The following SEPTIN9 variants were observed in gnomAD, a reference collection of about 807,000 sequenced individuals.
SEPTIN9 encodes the protein septin-9.
In SEPTIN9, 13 loss-of-function variants were observed where a neutral mutation model predicts 56.6. The observed-to-expected ratio is 0.23, with a 90% CI of 0.15 to 0.37. The LOEUF is 0.37. SEPTIN9 is among the 10% of genes least tolerant of loss of function. The probability of loss-of-function intolerance (pLI) is 1.00; values close to 1 mark genes in which losing one functional copy is unlikely to be tolerated. For synonymous variants in SEPTIN9, 332 were observed against 334.1 expected, an observed-to-expected ratio of 0.99 and a Z score of 0.07; for missense variants, 650 against 823.1, an observed-to-expected ratio of 0.79 and a Z score of 2.57.
intron 4 of SEPTIN9, chr17:77,483,018 G>A (rs2039523023): frequency 5.9e-6 from 1 of 169,336 alleles, no homozygotes; most frequent in Non-Finnish European, 1.3e-5. Flanking sequence ...TAGCTCACAG[G>A]GCAGAGAACC....
rs569327268 is a variant in SEPTIN9, at chr17:77,318,234, T to C, written c.76+11037T>C. ...GCCTCTGGTGGCTGTGGGTGTCCCT[T>C]GGCTTGTGGCTGCATGGCCCTTACC... On this transcript the variant is annotated intron_variant, in intron 2 of 11. Transcript: ENST00000427177. This position sits in a 1 kb window ranked among gnomAD's most constrained non-coding sequence, Gnocchi z 4.9. 6.6e-6 allele frequency among the ~76,000 whole-genome samples: 1 copy of C among 151,960 alleles called. No individual in the cohort carries two copies. Among genetic ancestry groups the C allele is most frequent in the South Asian group, 2.1e-4 (1 of 4,790 alleles).
At chr17:77,373,858 G>T (rs972975635) in intron 2 of SEPTIN9, 5 of 370,718 alleles carry the variant, frequency 1.3e-5, no homozygotes, top group African/African-American at 1.1e-4. Flanking sequence ...TTTGCCAAGC[G>T]ACAGCGACCT....
intron 2 of SEPTIN9, among the ~76,000 whole-genome samples, chr17:77,349,713 T>G (rs1166091660): frequency 6.6e-6 from 1 of 152,092 alleles, no homozygotes; most frequent in African/African-American, 2.4e-5. Context: ...CTACTCCAGC[T>G]TCTACCTACT....
At chr17:77,372,227 A>G (rs1184075771) in intron 2 of SEPTIN9, among the ~76,000 whole-genome samples, 1 of 152,182 alleles carries the variant, frequency 6.6e-6, no homozygotes, top group African/African-American at 2.4e-5. Context: ...GAGAGCATGC[A>G]GGAGTGGGTT....
At position 77,432,189 on chromosome 17, in the gene SEPTIN9, C is replaced by T. The variant is rs149651757; in HGVS notation, c.721+29486C>T. On this transcript the variant is annotated intron_variant, in intron 3 of 11. Transcript: ENST00000427177. Reference sequence around the variant, plus strand: ...CCTGGCAGCATGACCTTAGCCAATACGCTCAACTATGTTCCCCTCTGTAAA... The same window carrying T: ...CCTGGCAGCATGACCTTAGCCAATATGCTCAACTATGTTCCCCTCTGTAAA... Among the ~76,000 whole-genome samples the T allele has an allele frequency of 4.6e-5, 7 of 152,302 alleles. No individual in the cohort carries two copies. The South Asian group carries it at 1.0e-3, about 23-fold the overall frequency.
At chr17:77,466,666 T>C in intron 3 of SEPTIN9, 3 of 761,732 alleles carry the variant, frequency 3.9e-6, no homozygotes, top group Non-Finnish European at 4.8e-6. Flanking sequence ...CGGGGCAGTG[T>C]GGGAGACCCT....
Position 77,313,609 on chromosome 17 carries a change from A to T in SEPTIN9, c.76+6412A>T, listed in dbSNP as rs543086107. Among the ~76,000 whole-genome samples the T allele has an allele frequency of 1.3e-5, 2 of 152,264 alleles. No homozygotes were observed. Among genetic ancestry groups the T allele is most frequent in the East Asian group, 3.9e-4 (2 of 5,188 alleles). On this transcript the variant is annotated intron_variant, in intron 2 of 11. Transcript: ENST00000427177. The surrounding 1 kb of genome is among the most constrained non-coding windows in gnomAD (Gnocchi z 4.5). ...GAGGGTCTTGGCTGGCTCTGCTGGC[A>T]GGTACAGTAGCAGGGTCAGCAGGAG...
At position 77,437,329 on chromosome 17, in the gene SEPTIN9, C is replaced by T. The variant is rs1273969407; in HGVS notation, c.721+34626C>T. Among the ~76,000 whole-genome samples, 3 of 151,800 alleles carry T rather than the reference C, an allele frequency of 2.0e-5. No individual in the cohort carries two copies. Among genetic ancestry groups the T allele is most frequent in the Admixed American group, 2.0e-4 (3 of 15,268 alleles). ...GGTTCCCAGGGATGGAGCACCGACC[C>T]CTCCCTTCTACACCCCCACCCCACG... On this transcript the variant is annotated intron_variant, in intron 3 of 11. Transcript: ENST00000427177. The surrounding 1 kb of genome is among the most constrained non-coding windows in gnomAD (Gnocchi z 5.3).
At chr17:77,322,188 G>A (rs146485152) in intron 2 of SEPTIN9, among the ~76,000 whole-genome samples, 57 of 152,324 alleles carry the variant, frequency 3.7e-4, no homozygotes, top group African/African-American at 1.4e-3. Context: ...GCGTGGGTTT[G>A]GGGGTGGTGC....
At chr17:77,466,015 C>A (rs1245431847) in intron 3 of SEPTIN9, among the ~76,000 whole-genome samples, 4 of 146,174 alleles carry the variant, frequency 2.7e-5, no homozygotes, top group Non-Finnish European at 6.0e-5. Flanking sequence ...CCAGGGCCAA[C>A]GTCTTGGGGA....
In SEPTIN9 at chr17:77,345,828, G is replaced by T. The variant is rs550888007; in HGVS notation, c.76+38631G>T. Among the ~76,000 whole-genome samples, 123 of 152,348 alleles carry T rather than the reference G, an allele frequency of 8.1e-4. 1 individual carries two copies. Among genetic ancestry groups the T allele is most frequent in the South Asian group, 1.9e-3 (9 of 4,826 alleles). ...TTGGCCAAGGAGAAAGACTCATAAG[G>T]CCTCGGTCCAGTATCACGGAGCGGG... On this transcript the variant is annotated intron_variant, in intron 2 of 11. Coordinates refer to ENST00000427177, the MANE Select transcript of SEPTIN9 (RefSeq NM_001113491.2).
At chr17:77,384,981 A>G (rs1228937268) in intron 2 of SEPTIN9, among the ~76,000 whole-genome samples, 1 of 151,858 alleles carries the variant, frequency 6.6e-6, no homozygotes. Context: ...GTTTTTGTGC[A>G]TTTTGCAAAT....
intron 2 of SEPTIN9, among the ~76,000 whole-genome samples, chr17:77,385,525 G>A (rs1032463634): frequency 6.6e-6 from 1 of 152,106 alleles, no homozygotes; most frequent in Non-Finnish European, 1.5e-5. Context: ...GGCCATGGGA[G>A]ACCCCCTCTT....
chr17:77,498,720 T>G lies in SEPTIN9; in HGVS notation c.*62T>G. The G allele has an allele frequency of 1.0e-5, 5 of 495,704 alleles. No homozygotes were observed. The highest frequency in any genetic ancestry group is 1.4e-5 in the Non-Finnish European group (5 of 350,420). 30.7% of individuals were successfully genotyped at this position (495,704 alleles called of 1,614,324 possible). A position where few individuals can be genotyped will look rare whatever the true frequency, so the allele number is the denominator to read the frequency against. ...GTCATTTCCGTCCCCCCCCAGGCCC[T>G]CCCACCACCCCATTTTATTTTATAT... On this transcript the variant is annotated 3_prime_UTR_variant, in exon 12 of 12. Coordinates refer to ENST00000427177, the MANE Select transcript of SEPTIN9 (RefSeq NM_001113491.2).
chr17:77,390,402 A>G (rs894585975), intron 2 of SEPTIN9, among the ~76,000 whole-genome samples: 1 of 113,772 alleles, frequency 8.8e-6, no homozygotes, highest in Non-Finnish European at 1.8e-5. Context: ...GCCTGCAGTC[A>G]CCTCCCCTTC....
chr17:77,331,087 G>A (rs1004326400), intron 2 of SEPTIN9, among the ~76,000 whole-genome samples: 1 of 152,190 alleles, frequency 6.6e-6, no homozygotes, highest in South Asian at 2.1e-4. Flanking sequence ...GGGTACAGTG[G>A]CTCACACCTG....
rs1365120094 is a variant in SEPTIN9, at chr17:77,313,179, C to T, written c.76+5982C>T. ...ACTCTGCAAGGGCCCTTGGCCTCTGCACCCCCAGACCTCCCTCGCTCTGCA... is the reference window on the plus strand; with the variant it reads ...ACTCTGCAAGGGCCCTTGGCCTCTGTACCCCCAGACCTCCCTCGCTCTGCA... On this transcript the variant is annotated intron_variant, in intron 2 of 11. Transcript: ENST00000427177. The surrounding 1 kb of genome is among the most constrained non-coding windows in gnomAD (Gnocchi z 4.5). Among the ~76,000 whole-genome samples the T allele has an allele frequency of 6.6e-6, 1 of 152,258 alleles. No individual in the cohort carries two copies. The highest frequency in any genetic ancestry group is 1.5e-5 in the Non-Finnish European group (1 of 68,044).
At position 77,369,308 on chromosome 17, in the gene SEPTIN9, G is replaced by A. The variant is rs200297976; in HGVS notation, c.77-32751G>A. ...CAGGAATAGGCAAGCGCTACAAATC[G>A]GGAAACTGAGTGTTGTTGCTTTTGC... On this transcript the variant is annotated intron_variant, in intron 2 of 11. Coordinates refer to ENST00000427177, the MANE Select transcript of SEPTIN9 (RefSeq NM_001113491.2). This position sits in a 1 kb window ranked among gnomAD's most constrained non-coding sequence, Gnocchi z 4.9. Among the ~76,000 whole-genome samples, 9 of 152,300 alleles carry A rather than the reference G, an allele frequency of 5.9e-5. No homozygotes were observed. The highest frequency in any genetic ancestry group is 3.4e-3 in the Middle Eastern group (1 of 292).
intron 2 of SEPTIN9, among the ~76,000 whole-genome samples, chr17:77,325,525 C>A (rs989901904): frequency 6.6e-6 from 1 of 152,170 alleles, no homozygotes; most frequent in African/African-American, 2.4e-5. Flanking sequence ...CCGGGAAAGC[C>A]TGGGCCGTCT....
Sources: gnomAD v4.1 joint callset for allele counts (sites outside exome capture counted in the v4.1 genomes callset) on GRCh38, gnomAD v4.1.1 for gene constraint, Gnocchi (gnomAD v3.1) non-coding constraint, MANE v1.5 for transcripts, NCBI Gene and HGNC (gene_info 2026-07-23, HGNC 2026-07-21) for gene names.